Variants in FAM135B observed in about 807,000 individuals in gnomAD.
FAM135B encodes family with sequence similarity 135 member B.
In FAM135B, 43 loss-of-function variants were observed where a neutral mutation model predicts 127.7. The observed-to-expected ratio is 0.34, with a 90% CI of 0.26 to 0.43. The LOEUF (loss-of-function observed/expected upper bound fraction) is 0.43. FAM135B is among the 20% of genes least tolerant of loss of function. The pLI, the probability that FAM135B is intolerant of heterozygous loss-of-function variation, is 1.00. For synonymous variants in FAM135B, 670 were observed against 665.1 expected, an observed-to-expected ratio of 1.01 and a Z score of -0.11; for missense variants, 1,558 against 1,725.6, an observed-to-expected ratio of 0.90 and a Z score of 1.72.
In FAM135B at chr8:138,242,634, A is replaced by G. The variant is rs867285668; in HGVS notation, c.669+308T>C. Among the ~76,000 whole-genome samples, 1 of 152,170 alleles carries G rather than the reference A, an allele frequency of 6.6e-6. No individual in the cohort carries two copies. The highest frequency in any genetic ancestry group is 2.1e-4 in the South Asian group (1 of 4,822). ...GACATGGCCTTCAACGTTATCACAT[A>G]GTCTGAGTGGCCCCCTCACAGCACA... On this transcript the variant is annotated intron_variant, in intron 7 of 19. Transcript: ENST00000395297. This position sits in a 1 kb window ranked among gnomAD's most constrained non-coding sequence, Gnocchi z 9.6.
At chr8:138,268,860 A>G (rs1373998233) in intron 3 of FAM135B, among the ~76,000 whole-genome samples, 4 of 152,208 alleles carry the variant, frequency 2.6e-5, no homozygotes, top group African/African-American at 9.7e-5. Context: ...GGTGTAGACT[A>G]GAGTCTTCCT....
At chr8:138,456,756 T>A (rs963655892) in intron 1 of FAM135B, among the ~76,000 whole-genome samples, 7 of 152,092 alleles carry the variant, frequency 4.6e-5, no homozygotes, top group African/African-American at 7.2e-5. Context: ...TTTTTCTCTA[T>A]CAAAGAGAAG....
chr8:138,347,593 T>G (rs1829502888), intron 2 of FAM135B, among the ~76,000 whole-genome samples: 1 of 152,158 alleles, frequency 6.6e-6, no homozygotes, highest in Non-Finnish European at 1.5e-5. Context: ...TTAACAGCCC[T>G]CTCATAACCC....
At chr8:138,249,613 G>A (rs1363157736) in intron 6 of FAM135B, among the ~76,000 whole-genome samples, 1 of 152,128 alleles carries the variant, frequency 6.6e-6, no homozygotes, top group African/African-American at 2.4e-5. Context: ...ACCTTCAGGG[G>A]CAGCAGCTCC....
rs1319147413 is a variant in FAM135B at position 138,243,149 on chromosome 8, T to A, written c.543-81A>T. 1 of 1,496,524 alleles carries A rather than the reference T, an allele frequency of 6.7e-7. No homozygotes were observed. Among genetic ancestry groups the A allele is most frequent in the Admixed American group, 2.2e-5 (1 of 45,824 alleles). The allele number at this position is 1,496,524 out of a possible 1,614,324, so 92.7% of individuals were successfully genotyped here. A position where few individuals can be genotyped will look rare whatever the true frequency, so the allele number is the denominator to read the frequency against. ...ATTAACTCAGCCCCTTTGAGGAGTG[T>A]TCCTGTGAAGCATTTGGGATAAGTC... On this transcript the variant is annotated intron_variant, in intron 6 of 19. Transcript: ENST00000395297. The surrounding 1 kb of genome is among the most constrained non-coding windows in gnomAD (Gnocchi z 7.5).
At chr8:138,387,349 C>T (rs1440456953) in intron 1 of FAM135B, among the ~76,000 whole-genome samples, 1 of 152,142 alleles carries the variant, frequency 6.6e-6, no homozygotes, top group Non-Finnish European at 1.5e-5. Flanking sequence ...TCCAGCAGTA[C>T]ACACGCCTCC....
chr8:138,376,984 T>A (rs1038518227), intron 1 of FAM135B, among the ~76,000 whole-genome samples: 2 of 152,240 alleles, frequency 1.3e-5, no homozygotes, highest in Non-Finnish European at 2.9e-5. Flanking sequence ...TTACATTTTT[T>A]AAATGTACTA....
chr8:138,209,110 T>C (rs927484590), intron 7 of FAM135B, among the ~76,000 whole-genome samples: 1 of 152,320 alleles, frequency 6.6e-6, no homozygotes, highest in East Asian at 1.9e-4. Flanking sequence ...ATCATGATCC[T>C]AATTGCTGGG....
intron 19 of FAM135B, among the ~76,000 whole-genome samples, chr8:138,134,107 G>T (rs989146646): frequency 4.6e-5 from 7 of 152,148 alleles, no homozygotes; most frequent in Non-Finnish European, 8.8e-5. Context: ...TTTTATGTAT[G>T]AAATAGTCCT....
At chr8:138,355,882 T>C (rs1414496787) in intron 2 of FAM135B, among the ~76,000 whole-genome samples, 1 of 152,184 alleles carries the variant, frequency 6.6e-6, no homozygotes, top group Non-Finnish European at 1.5e-5. Flanking sequence ...CTCTAAACTG[T>C]ATGTTGAAAC....
chr8:138,330,800 A>T (rs1405915255), intron 2 of FAM135B, among the ~76,000 whole-genome samples: 1 of 151,992 alleles, frequency 6.6e-6, no homozygotes, highest in Non-Finnish European at 1.5e-5. Context: ...TCAGGCAATC[A>T]ATGATCTCCA....
At chr8:138,368,222 A>C (rs1414424490) in intron 1 of FAM135B, among the ~76,000 whole-genome samples, 1 of 152,098 alleles carries the variant, frequency 6.6e-6, no homozygotes, top group Non-Finnish European at 1.5e-5. Flanking sequence ...CAGGAGTTAG[A>C]CCCAGGTGTC....
At chr8:138,154,363 TA>T (rs1457114570) in intron 12 of FAM135B, among the ~76,000 whole-genome samples, 1 of 152,166 alleles carries the variant, frequency 6.6e-6, no homozygotes, top group Non-Finnish European at 1.5e-5. Context: ...CTGAAAATTC[TA>T]AAAATCAGAG....
At chr8:138,490,773 G>A (rs1373228380) in intron 1 of FAM135B, among the ~76,000 whole-genome samples, 1 of 152,126 alleles carries the variant, frequency 6.6e-6, no homozygotes, top group Non-Finnish European at 1.5e-5. Context: ...AAGTAACTGA[G>A]AATATGACTT....
intron 7 of FAM135B, among the ~76,000 whole-genome samples, chr8:138,205,572 C>T (rs922437677): frequency 2.0e-5 from 3 of 152,120 alleles, no homozygotes; most frequent in Non-Finnish European, 4.4e-5. Flanking sequence ...CTTACCTTTC[C>T]GGCTCTTTAA....
intron 9 of FAM135B, among the ~76,000 whole-genome samples, chr8:138,192,745 G>C (rs747193819): frequency 6.6e-6 from 1 of 152,136 alleles, no homozygotes; most frequent in Non-Finnish European, 1.5e-5. Context: ...CCAAATGCCT[G>C]GGGAGACTGA....
At chr8:138,197,143 G>A (rs978062258) in intron 8 of FAM135B, among the ~76,000 whole-genome samples, 1 of 150,762 alleles carries the variant, frequency 6.6e-6, no homozygotes, top group Non-Finnish European at 1.5e-5. Flanking sequence ...TATGAGGATT[G>A]TTTTACACTC....
chr8:138,190,645 G>A (rs1432520782), intron 9 of FAM135B, among the ~76,000 whole-genome samples: 1 of 152,158 alleles, frequency 6.6e-6, no homozygotes, highest in African/African-American at 2.4e-5. Context: ...TGATGTGGAA[G>A]AGAATTAACT....
intron 3 of FAM135B, among the ~76,000 whole-genome samples, chr8:138,291,028 G>C (rs1825072607): frequency 6.6e-6 from 1 of 152,042 alleles, no homozygotes. Context: ...ACCTGGAAGG[G>C]GACTTTCTGC....
Sources: gnomAD v4.1 joint callset for allele counts (sites outside exome capture counted in the v4.1 genomes callset) on GRCh38, gnomAD v4.1.1 for gene constraint, Gnocchi (gnomAD v3.1) non-coding constraint, MANE v1.5 for transcripts, NCBI Gene and HGNC (gene_info 2026-07-23, HGNC 2026-07-21) for gene names.